Variants in ADCY8 observed in about 807,000 individuals in gnomAD.
ADCY8 encodes adenylate cyclase type 8.
ADCY8 carries 51 observed loss-of-function variants against 119.7 expected under a neutral mutation model. The ratio of observed to expected loss-of-function variants is 0.43; its 90% CI spans 0.34 to 0.54. The LOEUF is 0.54. ADCY8 is among the 20% of genes least tolerant of loss of function. The pLI, the probability that ADCY8 is intolerant of heterozygous loss-of-function variation, is 0.03. For synonymous variants in ADCY8, 665 were observed against 651.0 expected (o/e 1.02, Z -0.33); for missense variants, 1,383 against 1,598.8 (o/e 0.87, Z 2.30).
intron 1 of ADCY8, among the ~76,000 whole-genome samples, chr8:131,034,668 A>G (rs1310361577): frequency 6.6e-6 from 1 of 152,112 alleles, no homozygotes; most frequent in South Asian, 2.1e-4. Context: ...GGATTTGCAT[A>G]TCTGACTGCC....
At chr8:130,791,411 G>T (rs1381410682) in intron 15 of ADCY8, among the ~76,000 whole-genome samples, 1 of 152,254 alleles carries the variant, frequency 6.6e-6, no homozygotes, top group Admixed American at 6.5e-5. Context: ...GTGGGCTGGA[G>T]AAGTGCCTGG....
intron 12 of ADCY8, among the ~76,000 whole-genome samples, chr8:130,832,761 A>T (rs1243601027): frequency 6.6e-6 from 1 of 152,176 alleles, no homozygotes; most frequent in African/African-American, 2.4e-5. Context: ...CTCCAAACAG[A>T]ATCCAGAACT....
At chr8:131,000,430 C>A (rs1320721242) in intron 1 of ADCY8, among the ~76,000 whole-genome samples, 2 of 152,168 alleles carry the variant, frequency 1.3e-5, no homozygotes, top group Non-Finnish European at 2.9e-5. Context: ...GTGTTGGCCT[C>A]ATTCTCTAAT....
chr8:130,840,220 A>G (rs1015669825), intron 11 of ADCY8, among the ~76,000 whole-genome samples: 2 of 138,644 alleles, frequency 1.4e-5, no homozygotes, highest in Non-Finnish European at 3.3e-5. Context: ...GTGAGCAATG[A>G]CATAAATGAG....
intron 1 of ADCY8, among the ~76,000 whole-genome samples, chr8:130,994,011 A>C (rs12676386): frequency 0.13 from 20,007 of 152,206 alleles, 3,139 homozygotes; most frequent in African/African-American, 0.38. Flanking sequence ...ACTTGTTTAA[A>C]ATGTCCACTG....
intron 1 of ADCY8, among the ~76,000 whole-genome samples, chr8:130,991,872 T>C (rs1822588661): frequency 6.6e-6 from 1 of 151,188 alleles, no homozygotes; most frequent in Non-Finnish European, 1.5e-5. Context: ...TAGCAGTGAA[T>C]GAAAAGATAA....
intron 7 of ADCY8, among the ~76,000 whole-genome samples, chr8:130,890,978 A>T (rs1819165279): frequency 6.6e-6 from 1 of 152,222 alleles, no homozygotes; most frequent in Non-Finnish European, 1.5e-5. Flanking sequence ...CGCCAGGCTC[A>T]GCAATCTCAA....
In ADCY8 at chr8:130,975,341, A is replaced by G. The variant is rs1236527962; in HGVS notation, c.1110+15052T>C. 2.9e-4 allele frequency among the ~76,000 whole-genome samples: 44 copies of G among 152,194 alleles called. 1 individual carries two copies. Among genetic ancestry groups the G allele is most frequent in the Non-Finnish European group, 3.1e-4 (21 of 68,032 alleles). On this transcript the variant is annotated intron_variant, in intron 2 of 17. Transcript: ENST00000286355. ...TGACTCTGTTTGACTATTCAATTCA[A>G]TTCCCTTCAATAAACAGTAGTCATG...
At chr8:130,941,828 T>C (rs1820965472) in intron 4 of ADCY8, among the ~76,000 whole-genome samples, 1 of 152,252 alleles carries the variant, frequency 6.6e-6, no homozygotes. Context: ...AACATCTTTA[T>C]GCTTGTTTTC....
chr8:130,894,641 A>C (rs547213491), intron 7 of ADCY8, among the ~76,000 whole-genome samples: 1 of 152,274 alleles, frequency 6.6e-6, no homozygotes, highest in Non-Finnish European at 1.5e-5. Context: ...TTCCATCCAT[A>C]CTGTATGCTT....
At chr8:130,796,355 T>C (rs542683872) in intron 15 of ADCY8, among the ~76,000 whole-genome samples, 12 of 152,324 alleles carry the variant, frequency 7.9e-5, no homozygotes, top group Non-Finnish European at 1.6e-4. Context: ...GAGAGGGCTC[T>C]TCAGCCCTTT....
chr8:130,850,485 T>C (rs1213915101), intron 9 of ADCY8, among the ~76,000 whole-genome samples: 1 of 152,148 alleles, frequency 6.6e-6, no homozygotes, highest in Non-Finnish European at 1.5e-5. Flanking sequence ...TTAACTCCTG[T>C]CTCCCCTATC....
At chr8:130,992,815 A>G (rs934062239) in intron 1 of ADCY8, among the ~76,000 whole-genome samples, 13 of 126,924 alleles carry the variant, frequency 1.0e-4, no homozygotes, top group African/African-American at 2.9e-5. Flanking sequence ...GAAGGAAAGG[A>G]AGGAGAGAAT....
At chr8:131,009,299 C>G (rs555717790) in intron 1 of ADCY8, among the ~76,000 whole-genome samples, 1 of 152,166 alleles carries the variant, frequency 6.6e-6, no homozygotes, top group East Asian at 1.9e-4. Flanking sequence ...GGACTTGGCG[C>G]TCTGAGCCCC....
chr8:130,851,823 G>A (rs779084114), intron 9 of ADCY8, among the ~76,000 whole-genome samples: 7 of 152,172 alleles, frequency 4.6e-5, no homozygotes, highest in African/African-American at 1.7e-4. Flanking sequence ...GTCTGTACAG[G>A]AGATAAGTTG....
chr8:130,789,624 A>C (rs1171840934), intron 15 of ADCY8, among the ~76,000 whole-genome samples: 3 of 152,194 alleles, frequency 2.0e-5, no homozygotes, highest in Non-Finnish European at 1.5e-5. Context: ...TGTGCAGTCA[A>C]TATTTTGTCC....
chr8:130,790,270 G>C (rs1283060266), intron 15 of ADCY8, among the ~76,000 whole-genome samples: 1 of 152,152 alleles, frequency 6.6e-6, no homozygotes, highest in Non-Finnish European at 1.5e-5. Context: ...TCTCAGATAT[G>C]ATTATTAGAG....
At chr8:130,995,503 G>C (rs1201085638) in intron 1 of ADCY8, among the ~76,000 whole-genome samples, 1 of 152,118 alleles carries the variant, frequency 6.6e-6, no homozygotes, top group Non-Finnish European at 1.5e-5. Context: ...CATCATGACA[G>C]TGAGGATCGT....
At position 130,780,891 on chromosome 8, in the gene ADCY8, C is replaced by CA. The variant is rs768791348; in HGVS notation, c.3269-15dup. 5.6e-6 allele frequency: 9 copies of CA among 1,610,510 alleles called. No individual in the cohort carries two copies. The highest frequency in any genetic ancestry group is 7.6e-6 in the Non-Finnish European group (9 of 1,177,510). ...CGTGGCTGATGCCTGGGGGGTGAAG[C>CA]AAAGGAGCAAGAAGTCAGAGGGAGA... On this transcript the variant is annotated splice_polypyrimidine_tract_variant and intron_variant, in intron 17 of 17. Coordinates refer to ENST00000286355, the MANE Select transcript of ADCY8 (RefSeq NM_001115.3).
Sources: gnomAD v4.1 joint callset for allele counts (sites outside exome capture counted in the v4.1 genomes callset) on GRCh38, gnomAD v4.1.1 for gene constraint, MANE v1.5 for transcripts, NCBI Gene and HGNC (gene_info 2026-07-23, HGNC 2026-07-21) for gene names.